XKR6: variants seen among roughly 807,000 people sequenced by gnomAD.
XKR6 encodes XK-related protein 6.
In XKR6, 22 loss-of-function variants were observed where a neutral mutation model predicts 56.7. That is an observed-to-expected ratio of 0.39 (90% CI 0.28 to 0.55). The LOEUF (loss-of-function observed/expected upper bound fraction) is 0.55, where lower values mean the gene tolerates loss of function less well. XKR6 is among the 20% of genes least tolerant of loss of function. The pLI, the probability that XKR6 is intolerant of heterozygous loss-of-function variation, is 0.66. For synonymous variants in XKR6, 524 were observed against 387.8 expected (o/e 1.35, Z -4.13); for missense variants, 852 against 889.0 (o/e 0.96, Z 0.53).
At chr8:11,050,739 C>T (rs1032241016) in intron 1 of XKR6, among the ~76,000 whole-genome samples, 5 of 152,228 alleles carry the variant, frequency 3.3e-5, no homozygotes, top group Middle Eastern at 3.4e-3. Flanking sequence ...ACCAGCCACT[C>T]GCTTACATGC....
At chr8:10,926,729 AC>A (rs554474424) in intron 1 of XKR6, among the ~76,000 whole-genome samples, 27 of 152,168 alleles carry the variant, frequency 1.8e-4, no homozygotes, top group Non-Finnish European at 3.1e-4. Flanking sequence ...GAAATAAACC[AC>A]CAAATTCTGG....
intron 1 of XKR6, among the ~76,000 whole-genome samples, chr8:11,057,462 C>T (rs1159541638): frequency 2.0e-5 from 3 of 152,170 alleles, no homozygotes. Context: ...GACATTTGTC[C>T]AGTAGTCCCA....
At chr8:10,983,731 C>T (rs370576854) in intron 1 of XKR6, among the ~76,000 whole-genome samples, 5 of 151,926 alleles carry the variant, frequency 3.3e-5, no homozygotes, top group Non-Finnish European at 7.4e-5. Context: ...TCTCAGCTCA[C>T]TGCAAGCTCC....
intron 1 of XKR6, chr8:11,108,615 G>C: frequency 3.2e-6 from 1 of 308,884 alleles, no homozygotes; most frequent in Non-Finnish European, 6.2e-6. Flanking sequence ...TTTGCAGAGA[G>C]TTTCCGTCCA....
intron 1 of XKR6, among the ~76,000 whole-genome samples, chr8:10,954,433 A>G (rs1801814575): frequency 6.6e-6 from 1 of 152,212 alleles, no homozygotes; most frequent in African/African-American, 2.4e-5. Flanking sequence ...GTGTCTTTTC[A>G]TGTGCTTAGT....
intron 1 of XKR6, among the ~76,000 whole-genome samples, chr8:11,033,709 C>T (rs998149774): frequency 1.3e-5 from 2 of 152,084 alleles, no homozygotes; most frequent in Non-Finnish European, 2.9e-5. Context: ...CAGAGTCGCT[C>T]AAAGGGTAGT....
At chr8:11,128,029 T>C (rs7002523) in intron 1 of XKR6, among the ~76,000 whole-genome samples, 1 of 152,212 alleles carries the variant, frequency 6.6e-6, no homozygotes, top group Non-Finnish European at 1.5e-5. Flanking sequence ...ATTTGATTTA[T>C]CAGTGGAGGG....
At chr8:11,082,217 T>A (rs978593957) in intron 1 of XKR6, among the ~76,000 whole-genome samples, 7 of 152,108 alleles carry the variant, frequency 4.6e-5, no homozygotes, top group African/African-American at 1.7e-4. Context: ...TCGGGGGGCA[T>A]CTCTGAAGCC....
At chr8:10,967,493 A>T (rs147457799) in intron 1 of XKR6, among the ~76,000 whole-genome samples, 72 of 152,288 alleles carry the variant, frequency 4.7e-4, no homozygotes, top group African/African-American at 1.6e-3. Flanking sequence ...AGGAGCCAAG[A>T]CCAGGTGGAC....
intron 1 of XKR6, among the ~76,000 whole-genome samples, chr8:10,997,879 C>T (rs529670699): frequency 5.3e-5 from 8 of 152,264 alleles, no homozygotes; most frequent in South Asian, 2.1e-4. Flanking sequence ...AGGGGGAAGG[C>T]AAGAAAGCAA....
At chr8:10,906,934 G>C (rs1563280915) in intron 2 of XKR6, among the ~76,000 whole-genome samples, 1 of 152,158 alleles carries the variant, frequency 6.6e-6, no homozygotes, top group Non-Finnish European at 1.5e-5. Context: ...CATAGTCCTA[G>C]CTACTCTGGA....
At chr8:10,952,643 C>G (rs974759530) in intron 1 of XKR6, among the ~76,000 whole-genome samples, 10 of 152,098 alleles carry the variant, frequency 6.6e-5, no homozygotes, top group Non-Finnish European at 1.3e-4. Flanking sequence ...TTTGTAGAGA[C>G]GGTTATACAG....
chr8:11,006,818 T>C (rs1798380274), intron 1 of XKR6, among the ~76,000 whole-genome samples: 2 of 152,216 alleles, frequency 1.3e-5, no homozygotes, highest in Non-Finnish European at 2.9e-5. Flanking sequence ...CGCTGCAGGT[T>C]ACCCTACCAG....
At chr8:11,012,286 G>A (rs1175882666) in intron 1 of XKR6, among the ~76,000 whole-genome samples, 1 of 152,214 alleles carries the variant, frequency 6.6e-6, no homozygotes, top group African/African-American at 2.4e-5. Context: ...CTAGGGAACT[G>A]CTATGCAGAT....
chr8:10,989,871 A>G (rs1033416659), intron 1 of XKR6, among the ~76,000 whole-genome samples: 4 of 152,254 alleles, frequency 2.6e-5, no homozygotes, highest in African/African-American at 7.2e-5. Flanking sequence ...TGATCTAGCC[A>G]TACTAATCTG....
chr8:11,101,711 T>C (rs1458662420), intron 1 of XKR6, among the ~76,000 whole-genome samples: 2 of 152,160 alleles, frequency 1.3e-5, no homozygotes, highest in Non-Finnish European at 1.5e-5. Flanking sequence ...TCTCACTCCT[T>C]AGCATCAAGT....
chr8:10,929,353 T>C (rs1331086758), intron 1 of XKR6, among the ~76,000 whole-genome samples: 1 of 152,248 alleles, frequency 6.6e-6, no homozygotes, highest in Non-Finnish European at 1.5e-5. Context: ...CTACCAATAT[T>C]CATTTTACAG....
intron 1 of XKR6, among the ~76,000 whole-genome samples, chr8:11,141,248 A>T (rs1189783580): frequency 6.6e-6 from 1 of 152,216 alleles, no homozygotes; most frequent in Non-Finnish European, 1.5e-5. Context: ...ATTCTATAAT[A>T]GTCTATCATC....
At chr8:10,943,404 C>G (rs1801443711) in intron 1 of XKR6, among the ~76,000 whole-genome samples, 2 of 152,158 alleles carry the variant, frequency 1.3e-5, no homozygotes, top group Non-Finnish European at 2.9e-5. Context: ...TGACTCCGAC[C>G]TGCCTTCTCG....
Sources: gnomAD v4.1 joint callset for allele counts (sites outside exome capture counted in the v4.1 genomes callset) on GRCh38, gnomAD v4.1.1 for gene constraint, MANE v1.5 for transcripts, NCBI Gene and HGNC (gene_info 2026-07-23, HGNC 2026-07-21) for gene names.